LARS1: variants seen among roughly 807,000 people sequenced by gnomAD.
LARS1 encodes the protein leucine--tRNA ligase, cytoplasmic.
A neutral mutation model predicts 162.8 loss-of-function variants in LARS1; 100 were observed. That is an observed-to-expected ratio of 0.61 (90% confidence interval 0.52 to 0.73). The LOEUF is 0.73. LARS1 is among the 30% of genes least tolerant of loss of function. LARS1 has a pLI of 0.00. For missense variants in LARS1, 1,258 were observed against 1,408.9 expected, an observed-to-expected ratio of 0.89 and a Z score of 1.71; for synonymous variants, 457 against 462.8, an observed-to-expected ratio of 0.99 and a Z score of 0.16.
intron 2 of LARS1, 31 bp from the exon 3 acceptor site, chr5:146,172,805 C>T (rs776566146): frequency 8.4e-5 from 105 of 1,248,186 alleles, no homozygotes; most frequent in Non-Finnish European, 1.1e-4. Context: ...AAAGAAAGTA[C>T]AGAAGAATAA....
At position 146,113,987 on chromosome 5, in the gene LARS1, G is replaced by A. The variant is rs1382356052; in HGVS notation, c.*119C>T. 6.6e-6 allele frequency: 5 copies of A among 752,492 alleles called. No individual in the cohort carries two copies. In the East Asian group the frequency reaches 1.2e-4, roughly 19 times the overall value. The allele number at this position is 752,492 out of a possible 1,614,324, so 46.6% of individuals were successfully genotyped here. A position where few individuals can be genotyped will look rare whatever the true frequency, so the allele number is the denominator to read the frequency against. On this transcript the variant is annotated 3_prime_UTR_variant, in exon 32 of 32. Coordinates refer to ENST00000394434, the MANE Select transcript of LARS1 (RefSeq NM_020117.11). ...ATTATGAATACATGCAGAATTGGAT[G>A]GTTAGAAATGAAATCAATCTATTTA...
rs199614852 is a variant in LARS1, at chr5:146,182,420, T to G, written c.6+68A>C. 475 of 1,599,632 alleles carry G rather than the reference T, an allele frequency of 3.0e-4. 3 individuals carry two copies. The highest frequency in any genetic ancestry group is 1.7e-4 in the Middle Eastern group (1 of 6,026). On this transcript the variant is annotated intron_variant, in intron 1 of 31. Transcript: ENST00000394434. ...AGGACTTTCCCTTCAGGACAGCACA[T>G]GGAGAGCCCCTAGAGACTGGCCAGT...
intron 31 of LARS1, among the ~76,000 whole-genome samples, chr5:146,115,061 A>AC (rs1554125547): frequency 0.013 from 1,946 of 150,916 alleles, 49 homozygotes; most frequent in African/African-American, 0.046. Flanking sequence ...AAAAAAAAAA[A>AC]AAAAAACAAT....
At chr5:146,145,257 A>T (rs1752961795) in intron 15 of LARS1, among the ~76,000 whole-genome samples, 1 of 147,418 alleles carries the variant, frequency 6.8e-6, no homozygotes. Context: ...TTAATTTTTT[A>T]ATTTTTTTAT....
intron 31 of LARS1, 47 bp from the exon 32 acceptor site, chr5:146,114,358 C>T (rs750227090): frequency 1.4e-6 from 2 of 1,478,288 alleles, no homozygotes; most frequent in Non-Finnish European, 1.9e-6. Context: ...TACAGTCACT[C>T]AAACCCTGGA....
chr5:146,172,955 G>A (rs1329589535), intron 2 of LARS1, among the ~76,000 whole-genome samples, 181 bp from the exon 3 acceptor site: 5 of 152,094 alleles, frequency 3.3e-5, no homozygotes, highest in Non-Finnish European at 7.4e-5. Context: ...AATTACTTTA[G>A]ATTTACAAGA....
chr5:146,123,302 T>C (rs966890079), intron 29 of LARS1, among the ~76,000 whole-genome samples: 10 of 152,012 alleles, frequency 6.6e-5, no homozygotes, highest in South Asian at 4.1e-4. Context: ...CTTTTCCTTT[T>C]GCCTAAGTTG....
chr5:146,156,886 G>A (rs1753554505), intron 10 of LARS1, among the ~76,000 whole-genome samples: 2 of 151,860 alleles, frequency 1.3e-5, no homozygotes, highest in Admixed American at 1.3e-4. Flanking sequence ...AATCTCTTGG[G>A]GAGGACTGCC....
intron 25 of LARS1, among the ~76,000 whole-genome samples, chr5:146,129,718 AC>A (rs1752196372): frequency 6.6e-6 from 1 of 152,186 alleles, no homozygotes; most frequent in Non-Finnish European, 1.5e-5. Context: ...ACAAATATAC[AC>A]AAATATACAC....
At chr5:146,141,972 C>T (rs191526142) in intron 20 of LARS1, among the ~76,000 whole-genome samples, 1,692 of 152,194 alleles carry the variant, frequency 0.011, 26 homozygotes, top group African/African-American at 0.034. Context: ...ACCAGCCTGG[C>T]TAACACGGTT....
Position 146,157,409 on chromosome 5 carries a change from C to T in LARS1, c.1059G>A (p.Met353Ile). 1.2e-6 allele frequency: 2 copies of T among 1,613,330 alleles called. No homozygotes were observed. Among genetic ancestry groups the T allele is most frequent in the Non-Finnish European group, 1.7e-6 (2 of 1,179,560 alleles). The change falls in exon 10 of 32, where the codon ATG becomes ATA. Residue 353 changes from methionine to isoleucine, a missense_variant. Transcript: ENST00000394434. ...AATCTGCTATCCAACTTACCTCCCC[C>T]ATTAATTCCTTAACAACAGGCACCA... ...NGVVPVVKEL[M>I]GEEILGASLS...
chr5:146,124,784 A>C (rs17492851), intron 28 of LARS1, among the ~76,000 whole-genome samples: 33,753 of 151,784 alleles, frequency 0.22, 4,803 homozygotes, highest in Admixed American at 0.34. Flanking sequence ...TTCGCTTACT[A>C]TGCAAGTTCT....
chr5:146,159,629 T>A (rs772097106), intron 7 of LARS1, among the ~76,000 whole-genome samples, 159 bp from the exon 8 acceptor site: 5 of 152,168 alleles, frequency 3.3e-5, no homozygotes, highest in Non-Finnish European at 7.4e-5. Context: ...AGTTCCACTG[T>A]CAACCTACTT....
Position 146,157,748 on chromosome 5 carries a change from C to T in LARS1, c.819G>A (p.Glu273=). The change falls in exon 9 of 32, where the codon GAG becomes GAA. Residue 273 remains glutamate (E), a synonymous_variant. Transcript: ENST00000394434. ...EYTLLKLKVL[E]PYPSKLSGLK... is the part of the protein sequence containing the mutation. ...CCTACCTTAATTTAGATGGGTATGG[C>T]TCAAGCACCTTCAATTTGAGTAAAG... 1 of 1,614,098 alleles carries T rather than the reference C, an allele frequency of 6.2e-7. No homozygotes were observed. The highest frequency in any genetic ancestry group is 8.5e-7 in the Non-Finnish European group (1 of 1,180,006).
At chr5:146,133,138 G>GGACACATAGGACACAGT in intron 22 of LARS1, 57 bp from the exon 23 acceptor site, 1 of 1,434,912 alleles carries the variant, frequency 7.0e-7, no homozygotes, top group Non-Finnish European at 9.7e-7. Flanking sequence ...AGTATCAACT[G>GGACACATAGGACACAGT]TGTCCTATGT....
chr5:146,149,730 T>C (rs1042112962), intron 14 of LARS1, 31 bp from the exon 15 acceptor site: 1 of 1,488,302 alleles, frequency 6.7e-7, no homozygotes, highest in Non-Finnish European at 9.4e-7. Context: ...AAAAACCACA[T>C]ATAAAACAGT....
intron 22 of LARS1, among the ~76,000 whole-genome samples, chr5:146,133,692 C>CAAAAAA (rs55993097): frequency 8.9e-6 from 1 of 112,304 alleles, no homozygotes; most frequent in African/African-American, 3.5e-5. Flanking sequence ...TATAGGGTTG[C>CAAAAAA]AAAAAAAAAA....
At chr5:146,120,525 G>T in intron 30 of LARS1, 22 bp from the exon 31 acceptor site, 1 of 1,605,112 alleles carries the variant, frequency 6.2e-7, no homozygotes, top group South Asian at 1.1e-5. Flanking sequence ...ACAAGAAAAT[G>T]ATTGTTTAAC....
intron 28 of LARS1, among the ~76,000 whole-genome samples, chr5:146,125,635 A>G (rs1752011255): frequency 6.6e-6 from 1 of 151,958 alleles, no homozygotes; most frequent in African/African-American, 2.4e-5. Flanking sequence ...TAGCCCAGAA[A>G]ATTTAAGTGA....
Sources: gnomAD v4.1 joint callset for allele counts (sites outside exome capture counted in the v4.1 genomes callset) on GRCh38, gnomAD v4.1.1 for gene constraint, MANE v1.5 for transcripts, NCBI Gene and HGNC (gene_info 2026-07-23, HGNC 2026-07-21) for gene names.